The following FBXL12 variants were observed in gnomAD, a reference collection of about 807,000 sequenced individuals.
FBXL12 encodes the protein F-box and leucine rich repeat protein 12, also known as F-box/LRR-repeat protein 12.
Under a neutral mutation model 24.9 loss-of-function variants are expected in FBXL12, and 22 were observed. The ratio of observed to expected loss-of-function variants is 0.88; its 90% confidence interval spans 0.63 to 1.26. The LOEUF (loss-of-function observed/expected upper bound fraction) is 1.26. Among genes scored for constraint, FBXL12 ranks in the 50% most tolerant of loss-of-function variants. FBXL12 has a pLI of 0.00. For missense variants in FBXL12, 384 were observed against 434.1 expected, an observed-to-expected ratio of 0.88 and a Z score of 1.03; for synonymous variants, 193 against 193.8, an observed-to-expected ratio of 1.00 and a Z score of 0.03.
At chr19:9,816,840 C>A (rs181480948) in intron 2 of FBXL12, among the ~76,000 whole-genome samples, 17 of 152,246 alleles carry the variant, frequency 1.1e-4, no homozygotes, top group Admixed American at 9.8e-4. Flanking sequence ...ATACCTGAGA[C>A]TGGGAAGAAA....
rs1210521841 is a variant in FBXL12 at position 9,811,023 on chromosome 19, C to G, written c.854G>C (p.Arg285Thr). The change falls in exon 3 of 3, where the codon AGA becomes ACA. Residue 285 changes from arginine (R) to threonine (T), a missense_variant. Arg to Thr is a moderately conservative substitution (Grantham distance 71). Coordinates refer to ENST00000247977, the MANE Select transcript of FBXL12 (RefSeq NM_017703.3). This position sits in a 1 kb window ranked among gnomAD's most constrained non-coding sequence, Gnocchi z 6.0. ...LSSCLTMPKL[R>T]VLELQGLGWE... The stretch of plus-strand genomic sequence containing the variant: ...CCCCAGCCCCTGCAGCTCAAGGACT[C>G]TGAGCTTGGGCATAGTGAGGCAGGA... 1 of 1,611,182 alleles carries G rather than the reference C, an allele frequency of 6.2e-7. No individual in the cohort carries two copies. The highest frequency in any genetic ancestry group is 1.1e-5 in the South Asian group (1 of 90,936).
Position 9,818,563 on chromosome 19 carries a change from G to A in FBXL12, c.141C>T (p.Val47=). The A allele has an allele frequency of 1.3e-6, 2 of 1,551,500 alleles. No individual in the cohort carries two copies. The highest frequency in any genetic ancestry group is 1.7e-6 in the Non-Finnish European group (2 of 1,150,840). ...CGCGTACCGTGTAGAGCGTCAGGTC[G>A]ACATGTCGCCACAGCCACCGGTCGT... ...LVDDRWLWRH[V]DLTLYTMRPK... is the part of the protein sequence containing the mutation. The change falls in exon 2 of 3, where the codon GTC becomes GTT. Residue 47 remains valine (V), a synonymous_variant. Coordinates refer to ENST00000247977, the MANE Select transcript of FBXL12 (RefSeq NM_017703.3).
intron 2 of FBXL12, among the ~76,000 whole-genome samples, chr19:9,815,774 C>T (rs909009385): frequency 6.6e-6 from 1 of 152,092 alleles, no homozygotes; most frequent in Non-Finnish European, 1.5e-5. Flanking sequence ...CCTGCCTCAG[C>T]CTCCCGAGTA....
rs1330007537 is a variant in FBXL12, at chr19:9,818,693, C to T, written c.86+35G>A. 3.9e-6 allele frequency: 6 copies of T among 1,543,340 alleles called. No homozygotes were observed. In the South Asian group the frequency reaches 7.1e-5, roughly 18 times the overall value. On this transcript the variant is annotated intron_variant, in intron 1 of 2. Coordinates refer to ENST00000247977, the MANE Select transcript of FBXL12 (RefSeq NM_017703.3). Reference sequence around the variant, plus strand: ...CATCTCCAGGTGCCAGCTGCGCCCTCCGCCCTGCCCTTCCCCCCGGAGGCG... The same window carrying T: ...CATCTCCAGGTGCCAGCTGCGCCCTTCGCCCTGCCCTTCCCCCCGGAGGCG...
intron 2 of FBXL12, among the ~76,000 whole-genome samples, chr19:9,815,169 A>G (rs936296179): frequency 6.6e-6 from 1 of 152,208 alleles, no homozygotes; most frequent in Admixed American, 6.5e-5. Flanking sequence ...AATGGGAGAA[A>G]TTGGCCAAAA....
In FBXL12 at chr19:9,811,984, C is replaced by T. The variant is rs1446631849; in HGVS notation, c.160-267G>A. 6.7e-6 allele frequency among the ~76,000 whole-genome samples: 1 copy of T among 149,260 alleles called. No homozygotes were observed. The highest frequency in any genetic ancestry group is 2.0e-4 in the East Asian group (1 of 5,026). ...GGTTCTTGCTCTGTCACCCAGTCTA[C>T]AGTGCAGTGGTGAGATAATGGCTCA... On this transcript the variant is annotated intron_variant, in intron 2 of 2. Coordinates refer to ENST00000247977, the MANE Select transcript of FBXL12 (RefSeq NM_017703.3). This position sits in a 1 kb window ranked among gnomAD's most constrained non-coding sequence, Gnocchi z 6.0.
rs202228140 is a variant in FBXL12 at position 9,810,981 on chromosome 19, G to A, written c.896C>T (p.Ala299Val). ...LQGLGWEGQE[A>V]EKILCKGLPH... ...CAGCCCCTTACACAGGATCTTCTCC[G>A]CCTCCTGACCCTCCCACCCCAGCCC... The change falls in exon 3 of 3, where the codon GCG (alanine) becomes GTG (valine). Residue 299 changes from alanine (A) to valine (V), a missense_variant. By Grantham distance (64) the Ala-to-Val change is moderately conservative. Transcript: ENST00000247977. The A allele has an allele frequency of 4.7e-4, 763 of 1,613,246 alleles. No homozygotes were observed. The highest frequency in any genetic ancestry group is 6.0e-4 in the Non-Finnish European group (706 of 1,179,626).
intron 2 of FBXL12, among the ~76,000 whole-genome samples, chr19:9,815,000 T>C (rs935692982): frequency 2.0e-5 from 3 of 152,096 alleles, no homozygotes; most frequent in Non-Finnish European, 4.4e-5. Context: ...TCTTCCAAAG[T>C]CTTAACTCAT....
At chr19:9,817,820 G>A (rs2045914428) in intron 2 of FBXL12, among the ~76,000 whole-genome samples, 1 of 152,136 alleles carries the variant, frequency 6.6e-6, no homozygotes. Context: ...ATTGTTTTTG[G>A]ACACACACAT....
chr19:9,812,300 G>A (rs911482387), intron 2 of FBXL12, among the ~76,000 whole-genome samples: 2 of 152,044 alleles, frequency 1.3e-5, no homozygotes, highest in Non-Finnish European at 2.9e-5. Context: ...GGAGGCTGAG[G>A]TGGATGGATC....
Position 9,811,753 on chromosome 19 carries a change from G to C in FBXL12, c.160-36C>G. On this transcript the variant is annotated intron_variant, in intron 2 of 2. Transcript: ENST00000247977. This position sits in a 1 kb window ranked among gnomAD's most constrained non-coding sequence, Gnocchi z 6.0. ...CAGAGATTGGGGTGACAGAGTGAGA[G>C]GTATGGAGCTTCCAAGGCCCCTGCT... 4.0e-6 allele frequency: 6 copies of C among 1,485,002 alleles called. No homozygotes were observed. The South Asian group carries it at 8.6e-5, about 21-fold the overall frequency. The allele number at this position is 1,485,002 out of a possible 1,614,324, so 92.0% of individuals were successfully genotyped here. A position where few individuals can be genotyped will look rare whatever the true frequency, so the allele number is the denominator to read the frequency against.
chr19:9,819,063 G>C lies in FBXL12; in HGVS notation c.-250C>G, dbSNP rs911002017. ...GGTGGCTGAGGCGTGATTTGGCCGC[G>C]ACTGGGAACTAAGACCAAGTCCAGA... On this transcript the variant is annotated 5_prime_UTR_variant, in exon 1 of 3. Transcript: ENST00000247977. 3 of 571,708 alleles carry C rather than the reference G, an allele frequency of 5.2e-6. No individual in the cohort carries two copies. Among genetic ancestry groups the C allele is most frequent in the Non-Finnish European group, 9.4e-6 (3 of 319,492 alleles). 35.4% of individuals were successfully genotyped at this position (571,708 alleles called of 1,614,324 possible).
chr19:9,818,683 G>C, intron 1 of FBXL12, 45 bp downstream of exon 1: 1 of 1,544,170 alleles, frequency 6.5e-7, no homozygotes, highest in South Asian at 1.2e-5. Flanking sequence ...CCAGGTGCCA[G>C]CTGCGCCCTC....
At chr19:9,818,352 T>G in intron 2 of FBXL12, 193 bp downstream of exon 2, 1 of 619,136 alleles carries the variant, frequency 1.6e-6, no homozygotes, top group East Asian at 2.8e-5. Flanking sequence ...TTATCCCCAT[T>G]GCAGGGATGA....
In FBXL12 at chr19:9,818,798, C is replaced by G. The variant is rs1283612415; in HGVS notation, c.16G>C (p.Glu6Gln). The part of the protein sequence containing the change: MATLV[E>Q]LPDSVLLEIF... ...TCGAGCAGGACCGAGTCCGGCAGTT[C>G]GACCAAAGTCGCCATGATCCCGCCG... The change falls in exon 1 of 3, where the codon GAA (glutamate) becomes CAA (glutamine). Residue 6 changes from glutamate (E) to glutamine (Q), a missense_variant. By Grantham distance (29) the Glu-to-Gln change is conservative. Coordinates refer to ENST00000247977, the MANE Select transcript of FBXL12 (RefSeq NM_017703.3). 3 of 1,552,752 alleles carry G rather than the reference C, an allele frequency of 1.9e-6. No homozygotes were observed. Among genetic ancestry groups the G allele is most frequent in the Admixed American group, 2.0e-5 (1 of 51,240 alleles).
rs2045722945 is a variant in FBXL12, at chr19:9,810,760, C to CCCTAGG, written c.*130_*135dup. ...ACAGTGATTCCAATGGTCTGGAGGT[C>CCCTAGG]CCTAGGCCTCTGTTCTCTCAACCTG... On this transcript the variant is annotated 3_prime_UTR_variant, in exon 3 of 3. Coordinates refer to ENST00000247977, the MANE Select transcript of FBXL12 (RefSeq NM_017703.3). 1.5e-6 allele frequency: 1 copy of CCCTAGG among 656,698 alleles called. No individual in the cohort carries two copies. The highest frequency in any genetic ancestry group is 1.8e-5 in the African/African-American group (1 of 55,124). 40.7% of individuals were successfully genotyped at this position (656,698 alleles called of 1,614,324 possible).
At chr19:9,817,185 T>C (rs1473290499) in intron 2 of FBXL12, among the ~76,000 whole-genome samples, 3 of 152,100 alleles carry the variant, frequency 2.0e-5, no homozygotes, top group Admixed American at 2.0e-4. Flanking sequence ...TAATGAATCT[T>C]CTCAGGCGGC....
At chr19:9,812,006 C>T (rs1038908188) in intron 2 of FBXL12, among the ~76,000 whole-genome samples, 6 of 150,994 alleles carry the variant, frequency 4.0e-5, no homozygotes, top group Non-Finnish European at 1.5e-5. Flanking sequence ...GAGATAATGG[C>T]TCACTGCAGC....
Position 9,818,755 on chromosome 19 carries a change from G to A in FBXL12, c.59C>T (p.Pro20Leu), listed in dbSNP as rs1337638369. ...GGAGATGCGGATCCGGTCCCGTACC[G>A]GGAGGTAAGAGAAGATCTCGAGCAG... Reference protein sequence around the residue: ...SVLLEIFSYLPVRDRIRISRV... With the variant: ...SVLLEIFSYLLVRDRIRISRV... The change falls in exon 1 of 3, where the codon CCG becomes CTG. Residue 20 changes from proline to leucine, a missense_variant. Pro to Leu is a moderately conservative substitution (Grantham distance 98, BLOSUM62 -3). Transcript: ENST00000247977. 16 of 1,553,096 alleles carry A rather than the reference G, an allele frequency of 1.0e-5. No homozygotes were observed. Among genetic ancestry groups the A allele is most frequent in the African/African-American group, 2.7e-5 (2 of 73,724 alleles).
Sources: gnomAD v4.1 joint callset for allele counts (sites outside exome capture counted in the v4.1 genomes callset) on GRCh38, gnomAD v4.1.1 for gene constraint, Gnocchi (gnomAD v3.1) non-coding constraint, MANE v1.5 for transcripts, NCBI Gene and HGNC (gene_info 2026-07-23, HGNC 2026-07-21) for gene names.